CDK14: variants seen among roughly 807,000 people sequenced by gnomAD.
CDK14 encodes the protein cyclin dependent kinase 14, also known as cyclin-dependent kinase 14.
Under a neutral mutation model 60.7 loss-of-function variants are expected in CDK14, and 34 were observed. The observed-to-expected ratio is 0.56, with a 90% CI of 0.43 to 0.75. The LOEUF (loss-of-function observed/expected upper bound fraction) is 0.75, where lower values mean the gene tolerates loss of function less well. Among genes scored for constraint, CDK14 ranks in the 30% least tolerant of loss-of-function variants. CDK14 has a pLI of 0.00. For missense variants in CDK14, 482 were observed against 564.1 expected (o/e 0.85, Z 1.47); for synonymous variants, 197 against 203.7 (o/e 0.97, Z 0.28).
rs1460954043 is a variant in CDK14 at position 90,742,279 on chromosome 7, GT to G, written c.370-5395del. ...AATTTATTCTGTTTATTGTGTCTTAGTTTTTTTGTATTTTGCCTAAGTCAAT... is the reference window on the plus strand; with the variant it reads ...AATTTATTCTGTTTATTGTGTCTTAGTTTTTTGTATTTTGCCTAAGTCAAT... On this transcript the variant is annotated intron_variant, in intron 3 of 14. Transcript: ENST00000380050. 4.6e-5 allele frequency among the ~76,000 whole-genome samples: 7 copies of G among 151,726 alleles called. No individual in the cohort carries two copies. In the East Asian group the frequency reaches 7.7e-4, roughly 17 times the overall value.
intron 4 of CDK14, among the ~76,000 whole-genome samples, chr7:90,758,795 C>T (rs1037825888): frequency 6.6e-6 from 1 of 152,160 alleles, no homozygotes; most frequent in South Asian, 2.1e-4. Flanking sequence ...GTGGCTCGTG[C>T]CTGCTATCCC....
At chr7:90,853,286 C>A (rs544815021) in intron 5 of CDK14, among the ~76,000 whole-genome samples, 2 of 152,196 alleles carry the variant, frequency 1.3e-5, no homozygotes, top group African/African-American at 4.8e-5. Flanking sequence ...AAAAACTGCA[C>A]ACATCAAAAT....
At chr7:90,829,642 C>T (rs893738111) in intron 5 of CDK14, among the ~76,000 whole-genome samples, 1 of 152,136 alleles carries the variant, frequency 6.6e-6, no homozygotes, top group African/African-American at 2.4e-5. Context: ...AAGCAGTTCT[C>T]CTGACTCAGC....
intron 14 of CDK14, among the ~76,000 whole-genome samples, chr7:91,129,282 C>T (rs1800049659): frequency 6.6e-6 from 1 of 152,208 alleles, no homozygotes; most frequent in Admixed American, 6.5e-5. Flanking sequence ...AAAGCAGTGA[C>T]ACTCTAAACT....
chr7:91,151,332 A>G (rs1800822606), intron 14 of CDK14, among the ~76,000 whole-genome samples: 1 of 152,228 alleles, frequency 6.6e-6, no homozygotes, highest in Non-Finnish European at 1.5e-5. Context: ...TCCCTGATAC[A>G]GAATAGACCT....
intron 14 of CDK14, among the ~76,000 whole-genome samples, chr7:91,169,432 A>G (rs1041414616): frequency 2.6e-5 from 4 of 152,222 alleles, no homozygotes; most frequent in Admixed American, 2.6e-4. Context: ...GAATAAACAT[A>G]CAAGCATGAT....
At chr7:91,163,987 T>C (rs1801259539) in intron 14 of CDK14, among the ~76,000 whole-genome samples, 1 of 152,028 alleles carries the variant, frequency 6.6e-6, no homozygotes, top group Non-Finnish European at 1.5e-5. Context: ...TGTGGTCATA[T>C]TGGATTCATA....
intron 14 of CDK14, among the ~76,000 whole-genome samples, chr7:91,135,832 C>T (rs1800263705): frequency 6.6e-6 from 1 of 152,042 alleles, no homozygotes; most frequent in Non-Finnish European, 1.5e-5. Flanking sequence ...CAAACTGAAC[C>T]CAAGCACCCT....
In CDK14 at chr7:91,143,853, G is replaced by A. The variant is rs115573461; in HGVS notation, c.*28+25645G>A. On this transcript the variant is annotated intron_variant, in intron 14 of 14. Transcript: ENST00000380050. ...CACTAAGGTAGGTGTTCTTATCCCC[G>A]TTTTGCAGAGGAGACTGAGACCTGA... is the stretch of plus-strand genomic sequence containing the variant. 6.4e-3 allele frequency among the ~76,000 whole-genome samples: 967 copies of A among 152,240 alleles called. 11 individuals carry two copies. Among genetic ancestry groups the A allele is most frequent in the African/African-American group, 0.022 (894 of 41,512 alleles).
At chr7:91,020,017 T>C (rs1186870671) in intron 10 of CDK14, among the ~76,000 whole-genome samples, 1 of 152,196 alleles carries the variant, frequency 6.6e-6, no homozygotes, top group Non-Finnish European at 1.5e-5. Flanking sequence ...CCAGAGTTGC[T>C]CCACATATTT....
Position 90,683,661 on chromosome 7 carries a change from C to T in CDK14, c.124-42906C>T, listed in dbSNP as rs1463549666. Among the ~76,000 whole-genome samples, 6 of 152,122 alleles carry T rather than the reference C, an allele frequency of 3.9e-5. No individual in the cohort carries two copies. The East Asian group carries it at 7.7e-4, about 20-fold the overall frequency. On this transcript the variant is annotated intron_variant, in intron 2 of 14. Coordinates refer to ENST00000380050, the MANE Select transcript of CDK14 (RefSeq NM_001287135.2). ...ACTAAAAATACAAAAATTAGCTGGG[C>T]GTCGTGGCACATGCCTGTAATCCTG...
At chr7:91,131,663 T>C (rs1257855090) in intron 14 of CDK14, among the ~76,000 whole-genome samples, 1 of 152,110 alleles carries the variant, frequency 6.6e-6, no homozygotes, top group Non-Finnish European at 1.5e-5. Context: ...TGACTCAGGA[T>C]CAGTGATAGA....
At chr7:90,728,927 G>C (rs1172406976) in intron 3 of CDK14, among the ~76,000 whole-genome samples, 1 of 151,948 alleles carries the variant, frequency 6.6e-6, no homozygotes, top group African/African-American at 2.4e-5. Context: ...TCACAAAATG[G>C]ACTTACCCAA....
At chr7:90,894,233 G>C (rs562099649) in intron 6 of CDK14, among the ~76,000 whole-genome samples, 13 of 152,188 alleles carry the variant, frequency 8.5e-5, no homozygotes, top group Middle Eastern at 3.4e-3. Context: ...TATGAAAATT[G>C]AACTAGGATT....
intron 6 of CDK14, among the ~76,000 whole-genome samples, chr7:90,896,436 A>G (rs1285590242): frequency 6.6e-6 from 1 of 152,188 alleles, no homozygotes; most frequent in Non-Finnish European, 1.5e-5. Flanking sequence ...CTAAAAAAGA[A>G]AAAATGCACT....
chr7:90,668,166 A>G (rs1274672903), intron 2 of CDK14, among the ~76,000 whole-genome samples: 2 of 152,164 alleles, frequency 1.3e-5, no homozygotes, highest in Admixed American at 6.5e-5. Flanking sequence ...CAATTTCTCC[A>G]TATCCTTACC....
chr7:90,840,229 G>A (rs1397930140), intron 5 of CDK14, among the ~76,000 whole-genome samples: 1 of 152,220 alleles, frequency 6.6e-6, no homozygotes, highest in Non-Finnish European at 1.5e-5. Context: ...TTTTAAAGGA[G>A]TGAAAAAGAC....
At chr7:90,651,156 T>G (rs1372230781) in intron 2 of CDK14, among the ~76,000 whole-genome samples, 1 of 152,214 alleles carries the variant, frequency 6.6e-6, no homozygotes. Flanking sequence ...GTAGTTCTCC[T>G]TGAAGAGGTC....
At chr7:91,107,866 A>C (rs1295132804) in intron 12 of CDK14, 1 of 152,242 alleles carries the variant, frequency 6.6e-6, no homozygotes, top group South Asian at 2.1e-4. Context: ...TATCAAACAT[A>C]TTAGCCAATG....
Sources: allele counts gnomAD v4.1 joint callset (sites outside exome capture counted in the v4.1 genomes callset), GRCh38; gene constraint gnomAD v4.1.1; transcripts MANE v1.5; gene names NCBI Gene and HGNC (gene_info 2026-07-23, HGNC 2026-07-21).